NEK11: variants seen among roughly 807,000 people sequenced by gnomAD.
NEK11 encodes serine/threonine-protein kinase Nek11.
NEK11 carries 72 observed loss-of-function variants against 80.7 expected under a neutral mutation model. The ratio of observed to expected loss-of-function variants is 0.89; its 90% confidence interval spans 0.74 to 1.08. The LOEUF is 1.08. Ranked by LOEUF, NEK11 falls within the 50% of genes least tolerant of loss-of-function variation. The pLI is 0.00. For missense variants in NEK11, 764 were observed against 763.6 expected, an observed-to-expected ratio of 1.00 and a Z score of -0.01; for synonymous variants, 251 against 260.7, an observed-to-expected ratio of 0.96 and a Z score of 0.36.
intron 10 of NEK11, among the ~76,000 whole-genome samples, chr3:131,155,957 CT>C (rs890810160): frequency 6.6e-6 from 1 of 152,030 alleles, no homozygotes; most frequent in Non-Finnish European, 1.5e-5. Flanking sequence ...TCTTAATAAC[CT>C]TGTTTTTATG....
intron 3 of NEK11, among the ~76,000 whole-genome samples, chr3:131,051,280 GC>G (rs1206820025): frequency 6.6e-6 from 1 of 152,150 alleles, no homozygotes; most frequent in Non-Finnish European, 1.5e-5. Context: ...ACTGAGGAGT[GC>G]ACATAACTCT....
intron 14 of NEK11, among the ~76,000 whole-genome samples, chr3:131,228,169 C>T (rs1335815330): frequency 1.3e-5 from 2 of 152,166 alleles, no homozygotes; most frequent in Non-Finnish European, 2.9e-5. Flanking sequence ...TAATAGGACC[C>T]TTCAGCCAGG....
At position 131,168,933 on chromosome 3, in the gene NEK11, A is replaced by C; in HGVS notation, c.1280A>C (p.Glu427Ala). 6.2e-7 allele frequency: 1 copy of C among 1,612,992 alleles called. No individual in the cohort carries two copies. The highest frequency in any genetic ancestry group is 8.5e-7 in the Non-Finnish European group (1 of 1,179,152). The change falls in exon 13 of 18, where the codon GAA becomes GCA. Residue 427 changes from glutamate to alanine, a missense_variant. Glu to Ala is a moderately radical substitution (Grantham distance 107). Transcript: ENST00000383366. ...DEDEERWQGR[E>A]EESDEPTLEN... ...GATGAAGAGAGGTGGCAAGGCAGGG[A>C]AGAGGCAAGTTTAATCATATTCACA...
intron 14 of NEK11, among the ~76,000 whole-genome samples, chr3:131,204,437 A>T (rs1425456846): frequency 6.6e-6 from 1 of 152,146 alleles, no homozygotes; most frequent in Non-Finnish European, 1.5e-5. Flanking sequence ...TGGTGTTTGA[A>T]GTGGGGCAGT....
At chr3:131,342,959 A>G (rs1284355488) in intron 17 of NEK11, among the ~76,000 whole-genome samples, 1 of 152,238 alleles carries the variant, frequency 6.6e-6, no homozygotes, top group African/African-American at 2.4e-5. Context: ...GACCAGGGGA[A>G]TTGGCCATAT....
In NEK11 at chr3:131,030,251, C is replaced by T. The variant is rs898231196; in HGVS notation, c.170+373C>T. ...AAGACTGACAAAAAAAAAAAAAGAACATGGAGTAATGTCCACTTTGCTCTT... is the reference window on the plus strand; with the variant it reads ...AAGACTGACAAAAAAAAAAAAAGAATATGGAGTAATGTCCACTTTGCTCTT... On this transcript the variant is annotated intron_variant, in intron 3 of 17. Coordinates refer to ENST00000383366, the MANE Select transcript of NEK11 (RefSeq NM_024800.5). Among the ~76,000 whole-genome samples, 6 of 150,686 alleles carry T rather than the reference C, an allele frequency of 4.0e-5. No individual in the cohort carries two copies. The East Asian group carries it at 1.2e-3, about 29-fold the overall frequency.
intron 4 of NEK11, among the ~76,000 whole-genome samples, chr3:131,098,568 C>G (rs1040263932): frequency 1.3e-5 from 2 of 149,530 alleles, no homozygotes; most frequent in African/African-American, 2.5e-5. Flanking sequence ...TGTTCATGTC[C>G]TTTGCCCACT....
chr3:131,140,700 A>G (rs2086697500), intron 7 of NEK11, among the ~76,000 whole-genome samples: 1 of 152,186 alleles, frequency 6.6e-6, no homozygotes, highest in Admixed American at 6.5e-5. Context: ...TAAATTGCTT[A>G]AGAGAAGTGG....
chr3:131,173,687 ATG>A (rs2092829042), intron 14 of NEK11, among the ~76,000 whole-genome samples: 1 of 151,986 alleles, frequency 6.6e-6, no homozygotes, highest in Non-Finnish European at 1.5e-5. Flanking sequence ...AGTCTTTGTC[ATG>A]TGTCTCTTTG....
At chr3:131,101,180 A>G (rs1183610757) in intron 4 of NEK11, among the ~76,000 whole-genome samples, 2 of 152,032 alleles carry the variant, frequency 1.3e-5, no homozygotes, top group African/African-American at 4.8e-5. Flanking sequence ...TATAAGAACC[A>G]ACTCTTGGTG....
At chr3:131,325,821 T>C (rs978618912) in intron 17 of NEK11, 4 of 152,240 alleles carry the variant, frequency 2.6e-5, no homozygotes, top group Non-Finnish European at 5.9e-5. Context: ...TACTACTTAA[T>C]TGCTATTGTT....
At chr3:131,180,204 T>G (rs2093270357) in intron 14 of NEK11, among the ~76,000 whole-genome samples, 1 of 152,224 alleles carries the variant, frequency 6.6e-6, no homozygotes, top group Non-Finnish European at 1.5e-5. Flanking sequence ...ACTAGTCATG[T>G]GGCCCAACTT....
In NEK11 at chr3:131,349,756, A is replaced by C; in HGVS notation, c.1918A>C (p.Thr640Pro). 1 of 1,613,548 alleles carries C rather than the reference A, an allele frequency of 6.2e-7. No homozygotes were observed. Among genetic ancestry groups the C allele is most frequent in the Non-Finnish European group, 8.5e-7 (1 of 1,179,636 alleles). Residue 640 changes from threonine (T) to proline (P), a missense_variant, in exon 18 of 18, where the codon ACT (threonine) becomes CCT (proline). Physicochemically the swap from Thr to Pro is conservative, Grantham distance 38. Coordinates refer to ENST00000383366, the MANE Select transcript of NEK11 (RefSeq NM_024800.5). ...GCTGATCACGATGGGAAAAGAACCT[A>C]CTCTCCAGAACCATCTCTAGGCAAC... ...QLLITMGKEP[T>P]LQNHL
At chr3:131,260,753 A>G (rs2095903195) in intron 16 of NEK11, among the ~76,000 whole-genome samples, 1 of 152,160 alleles carries the variant, frequency 6.6e-6, no homozygotes, top group Admixed American at 6.6e-5. Flanking sequence ...TTTGGCAAAG[A>G]GTGGTATCAG....
At chr3:131,277,867 G>C (rs1344181982) in intron 17 of NEK11, among the ~76,000 whole-genome samples, 1 of 152,214 alleles carries the variant, frequency 6.6e-6, no homozygotes, top group Non-Finnish European at 1.5e-5. Context: ...GTTGTTGTTA[G>C]GGTGAGTTGA....
intron 17 of NEK11, among the ~76,000 whole-genome samples, chr3:131,321,133 G>A (rs1490820536): frequency 6.6e-6 from 1 of 152,136 alleles, no homozygotes; most frequent in Non-Finnish European, 1.5e-5. Context: ...AAAACAGCAT[G>A]ATACTGGTAC....
At chr3:131,302,605 T>G (rs2096673910) in intron 17 of NEK11, among the ~76,000 whole-genome samples, 1 of 152,236 alleles carries the variant, frequency 6.6e-6, no homozygotes. Flanking sequence ...ATTGCATTGC[T>G]TACCCAAAAG....
chr3:131,041,152 A>G (rs2066415962), intron 3 of NEK11, among the ~76,000 whole-genome samples: 1 of 152,182 alleles, frequency 6.6e-6, no homozygotes, highest in Non-Finnish European at 1.5e-5. Flanking sequence ...CTTTTAATTT[A>G]TATTGCTATT....
At chr3:131,080,620 A>C in intron 4 of NEK11, 32 bp downstream of exon 4, 3 of 1,572,618 alleles carry the variant, frequency 1.9e-6, no homozygotes, top group Non-Finnish European at 2.6e-6. Flanking sequence ...GGAAGTCTTT[A>C]TAAAAACTTG....
Sources: gnomAD v4.1 joint callset for allele counts (sites outside exome capture counted in the v4.1 genomes callset) on GRCh38, gnomAD v4.1.1 for gene constraint, MANE v1.5 for transcripts, NCBI Gene and HGNC (gene_info 2026-07-23, HGNC 2026-07-21) for gene names.